RUFY2: variants seen among roughly 807,000 people sequenced by gnomAD.
The protein encoded by RUFY2 is RUN and FYVE domain-containing protein 2.
RUFY2 carries 49 observed loss-of-function variants against 94.4 expected under a neutral mutation model. The observed-to-expected ratio is 0.52, with a 90% CI of 0.41 to 0.66. RUFY2 has a LOEUF of 0.66. Ranked by LOEUF, RUFY2 falls within the 30% of genes least tolerant of loss-of-function variation. The probability of loss-of-function intolerance (pLI) is 0.00; values close to 1 mark genes in which losing one functional copy is unlikely to be tolerated. For synonymous variants in RUFY2, 255 were observed against 235.7 expected (o/e 1.08, Z -0.75); for missense variants, 541 against 692.8 (o/e 0.78, Z 2.46).
At chr10:68,354,181 A>T (rs1045587518) in intron 16 of RUFY2, among the ~76,000 whole-genome samples, 11 of 152,048 alleles carry the variant, frequency 7.2e-5, no homozygotes, top group Admixed American at 2.0e-4. Flanking sequence ...ATAATTTTTT[A>T]AAAATGATTT....
At chr10:68,395,230 C>T (rs968661534) in intron 4 of RUFY2, among the ~76,000 whole-genome samples, 5 of 151,770 alleles carry the variant, frequency 3.3e-5, no homozygotes, top group African/African-American at 9.7e-5. Flanking sequence ...TCCACCTACT[C>T]GGGAGGCTGA....
downstream of RUFY2, chr10:68,341,535 T>C (rs895239984): frequency 7.9e-7 from 1 of 1,272,768 alleles, no homozygotes; most frequent in Non-Finnish European, 1.1e-6. Context: ...ATTGATGAAT[T>C]TTATCCATCA....
intron 2 of RUFY2, among the ~76,000 whole-genome samples, chr10:68,402,118 A>C (rs2050893637): frequency 6.6e-6 from 1 of 151,742 alleles, no homozygotes; most frequent in Non-Finnish European, 1.5e-5. Context: ...ATTTTTTATA[A>C]TGCCTTTTTT....
At chr10:68,406,914 G>A (rs1297884895) in intron 1 of RUFY2, 2 of 1,570,164 alleles carry the variant, frequency 1.3e-6, no homozygotes, top group East Asian at 2.4e-5. Flanking sequence ...GCCTGGCCCT[G>A]TCCTCGCTCC....
intron 8 of RUFY2, among the ~76,000 whole-genome samples, chr10:68,384,818 A>C (rs962571649): frequency 4.6e-5 from 7 of 152,222 alleles, no homozygotes; most frequent in African/African-American, 1.7e-4. Context: ...TCAGGAATCA[A>C]CTTGAACTTC....
At chr10:68,374,784 T>C (rs1176845505) in intron 13 of RUFY2, among the ~76,000 whole-genome samples, 3 of 152,184 alleles carry the variant, frequency 2.0e-5, no homozygotes, top group African/African-American at 7.2e-5. Context: ...TTTGTTCTTA[T>C]TGTTGTTTTC....
rs1444919552 is a variant in RUFY2 at position 68,349,546 on chromosome 10, AT to A, written c.1600-3463del. ...AAAATTTTTTTTTAAAGAAAAAAAA[AT>A]TTTTTTTTTGAGACAGAGTCTCGCT... On this transcript the variant is annotated intron_variant, in intron 16 of 17. Transcript: ENST00000602465. 8.0e-3 allele frequency among the ~76,000 whole-genome samples: 1,198 copies of A among 149,942 alleles called. 26 individuals are homozygous for A. The highest frequency in any genetic ancestry group is 0.028 in the African/African-American group (1,127 of 40,870).
intron 14 of RUFY2, 39 bp downstream of exon 14, chr10:68,363,945 T>A (rs758937754): frequency 6.2e-6 from 9 of 1,446,114 alleles, no homozygotes; most frequent in Non-Finnish European, 8.6e-6. Flanking sequence ...AAGTTAACAT[T>A]TGTCAAGACA....
At position 68,344,262 on chromosome 10, in the gene RUFY2, G is replaced by A. The variant is rs944265903; in HGVS notation, c.*1506C>T. 2 of 152,164 alleles carry A rather than the reference G, an allele frequency of 1.3e-5. No individual in the cohort carries two copies. Among genetic ancestry groups the A allele is most frequent in the Non-Finnish European group, 2.9e-5 (2 of 68,030 alleles). The allele number at this position is 152,164 out of a possible 1,614,324, so 9.4% of individuals were successfully genotyped here. A position where few individuals can be genotyped will look rare whatever the true frequency, so the allele number is the denominator to read the frequency against. On this transcript the variant is annotated 3_prime_UTR_variant, in exon 18 of 18. Coordinates refer to ENST00000602465, the MANE Select transcript of RUFY2 (RefSeq NM_001330103.2). Reference sequence around the variant, plus strand: ...AAATTTCATGGAAGCATATATTCATGAAGAAAAGATCCTGCAGTATTAATA... The same window carrying A: ...AAATTTCATGGAAGCATATATTCATAAAGAAAAGATCCTGCAGTATTAATA...
chr10:68,382,050 CTT>C (rs1195609174), intron 10 of RUFY2, among the ~76,000 whole-genome samples: 28 of 139,096 alleles, frequency 2.0e-4, no homozygotes, highest in Admixed American at 2.2e-4. Context: ...GTTTAATTTC[CTT>C]TTTTTTTTTT....
chr10:68,397,707 G>A (rs920772770), intron 3 of RUFY2, among the ~76,000 whole-genome samples: 1 of 151,896 alleles, frequency 6.6e-6, no homozygotes, highest in African/African-American at 2.4e-5. Flanking sequence ...AAGCCCAGTA[G>A]GCAGAGGCTG....
chr10:68,343,344 T>C (rs955608794), downstream of RUFY2: 3 of 152,518 alleles, frequency 2.0e-5, no homozygotes, highest in Non-Finnish European at 4.4e-5. Flanking sequence ...CTATGATTCA[T>C]CTTAATGCTT....
At chr10:68,378,301 C>G (rs1589890982) in intron 12 of RUFY2, 1 of 1,158,848 alleles carries the variant, frequency 8.6e-7, no homozygotes, top group East Asian at 4.1e-5. Flanking sequence ...AAAGATAAAA[C>G]TGCATTTGAA....
At chr10:68,348,898 G>C (rs894502616) in intron 16 of RUFY2, among the ~76,000 whole-genome samples, 1 of 152,116 alleles carries the variant, frequency 6.6e-6, no homozygotes, top group Non-Finnish European at 1.5e-5. Flanking sequence ...GACTAGAACG[G>C]AACAACCTCT....
intron 13 of RUFY2, among the ~76,000 whole-genome samples, chr10:68,372,680 A>C (rs1490577100): frequency 1.3e-5 from 2 of 151,910 alleles, no homozygotes; most frequent in African/African-American, 4.8e-5. Flanking sequence ...GCTTGAGCCC[A>C]GGAGTTCGAG....
At chr10:68,376,482 ATATATATATT>A (rs2048676002) in intron 13 of RUFY2, among the ~76,000 whole-genome samples, 1 of 62,722 alleles carries the variant, frequency 1.6e-5, no homozygotes, top group Non-Finnish European at 3.5e-5. Context: ...ATATATATAT[ATATATATATT>A]CTCAGAAAAC....
rs755419558 is a variant in RUFY2, at chr10:68,343,808, TAAAAAAAAAAAAAAAA to T, written c.*1944_*1959del. ...GCAAGTTGCTGTCATAAAAGCTGCCTAAAAAAAAAAAAAAAAAAAAAAAAAGCAAGTCAGTCAGTGT... is the reference window on the plus strand; with the variant it reads ...GCAAGTTGCTGTCATAAAAGCTGCCTAAAAAAAAAGCAAGTCAGTCAGTGT... On this transcript the variant is annotated 3_prime_UTR_variant, in exon 18 of 18. Transcript: ENST00000602465. 8.6e-6 allele frequency: 1 copy of T among 115,682 alleles called. No individual in the cohort carries two copies. The highest frequency in any genetic ancestry group is 8.8e-5 in the Admixed American group (1 of 11,300). 7.2% of individuals were successfully genotyped at this position (115,682 alleles called of 1,614,324 possible).
At position 68,371,170 on chromosome 10, in the gene RUFY2, A is replaced by G. The variant is rs963217960; in HGVS notation, c.1325+5683T>C. Among the ~76,000 whole-genome samples, 475 of 148,438 alleles carry G rather than the reference A, an allele frequency of 3.2e-3. 3 individuals carry two copies. The highest frequency in any genetic ancestry group is 0.011 in the African/African-American group (453 of 40,286). ...AAAAAAGCCAGGAGTGGTGGCTCAC[A>G]CCTGTAATCCCATCACTTCGGGAGG... On this transcript the variant is annotated intron_variant, in intron 13 of 17. Coordinates refer to ENST00000602465, the MANE Select transcript of RUFY2 (RefSeq NM_001330103.2).
In RUFY2 at chr10:68,382,336, G is replaced by A. The variant is rs541647376; in HGVS notation, c.940-937C>T. 1.4e-3 allele frequency among the ~76,000 whole-genome samples: 220 copies of A among 151,746 alleles called. 1 individual carries two copies. The highest frequency in any genetic ancestry group is 5.1e-3 in the African/African-American group (212 of 41,372). ...CTCCCAAAGTGCTGGGATTACAGGC[G>A]TGAGCCACCGTGCCCGGCCAACACA... On this transcript the variant is annotated intron_variant, in intron 10 of 17. Coordinates refer to ENST00000602465, the MANE Select transcript of RUFY2 (RefSeq NM_001330103.2).
Sources: allele counts gnomAD v4.1 joint callset (sites outside exome capture counted in the v4.1 genomes callset), GRCh38; gene constraint gnomAD v4.1.1; transcripts MANE v1.5; gene names NCBI Gene and HGNC (gene_info 2026-07-23, HGNC 2026-07-21).